ADAMTSL1: variants seen among roughly 807,000 people sequenced by gnomAD.
ADAMTSL1 encodes the protein ADAMTS like 1.
A neutral mutation model predicts 201.8 loss-of-function variants in ADAMTSL1; 126 were observed. The observed-to-expected ratio is 0.62, with a 90% CI of 0.54 to 0.72. The LOEUF (loss-of-function observed/expected upper bound fraction) is 0.72. ADAMTSL1 is among the 30% of genes least tolerant of loss of function. The probability of loss-of-function intolerance (pLI) is 0.00; values close to 1 mark genes in which losing one functional copy is unlikely to be tolerated. For synonymous variants in ADAMTSL1, 1,121 were observed against 903.4 expected, an observed-to-expected ratio of 1.24 and a Z score of -4.32; for missense variants, 2,679 against 2,277.8, an observed-to-expected ratio of 1.18 and a Z score of -3.59.
intron 2 of ADAMTSL1, among the ~76,000 whole-genome samples, chr9:18,244,752 A>G (rs1831193432): frequency 6.6e-6 from 1 of 152,018 alleles, no homozygotes; most frequent in African/African-American, 2.4e-5. Flanking sequence ...AAACTAGGTC[A>G]CCCAAGTGTC....
chr9:18,263,573 G>T (rs953305305), intron 2 of ADAMTSL1, among the ~76,000 whole-genome samples: 3 of 152,090 alleles, frequency 2.0e-5, no homozygotes, highest in Non-Finnish European at 4.4e-5. Context: ...CGCAAATTCC[G>T]AAGCCAAATT....
chr9:18,045,956 T>G (rs901477268), intron 1 of ADAMTSL1, among the ~76,000 whole-genome samples: 1 of 152,174 alleles, frequency 6.6e-6, no homozygotes, highest in Admixed American at 6.5e-5. Context: ...ACTGAGATAT[T>G]GAAGAAGCCG....
chr9:18,230,398 G>A (rs34110348), intron 2 of ADAMTSL1, among the ~76,000 whole-genome samples: 22,240 of 152,096 alleles, frequency 0.15, 1,917 homozygotes, highest in East Asian at 0.25. Context: ...AGAAGTAGGG[G>A]AAGTGTCCCC....
At chr9:18,451,810 G>A (rs1406270701) in intron 2 of ADAMTSL1, among the ~76,000 whole-genome samples, 2 of 152,246 alleles carry the variant, frequency 1.3e-5, no homozygotes, top group African/African-American at 4.8e-5. Flanking sequence ...AGGCTGGGAA[G>A]TCCAAGACTG....
At chr9:18,750,007 G>T (rs1373478362) in intron 15 of ADAMTSL1, among the ~76,000 whole-genome samples, 1 of 152,184 alleles carries the variant, frequency 6.6e-6, no homozygotes, top group Non-Finnish European at 1.5e-5. Context: ...ACTTTGATGA[G>T]CTTAACCTTG....
chr9:18,155,105 T>C (rs981442087), intron 1 of ADAMTSL1, among the ~76,000 whole-genome samples: 1 of 151,924 alleles, frequency 6.6e-6, no homozygotes, highest in African/African-American at 2.4e-5. Context: ...GGGAAATAAA[T>C]CTGTTTGGGT....
At chr9:18,596,430 A>C (rs1824265272) in intron 4 of ADAMTSL1, among the ~76,000 whole-genome samples, 1 of 151,140 alleles carries the variant, frequency 6.6e-6, no homozygotes, top group East Asian at 1.9e-4. Context: ...TCATCTGTAC[A>C]AACAGAGGTA....
intron 17 of ADAMTSL1, among the ~76,000 whole-genome samples, chr9:18,774,066 TTTTG>T (rs1020716402): frequency 2.6e-5 from 4 of 152,330 alleles, no homozygotes; most frequent in East Asian, 3.9e-4. Flanking sequence ...TAAGATCATT[TTTTG>T]TTTGTTTTTT....
intron 2 of ADAMTSL1, among the ~76,000 whole-genome samples, chr9:18,303,231 A>AT: frequency 6.6e-6 from 1 of 152,256 alleles, no homozygotes; most frequent in African/African-American, 2.4e-5. Context: ...GAGACCAAAG[A>AT]TACATAACTG....
intron 4 of ADAMTSL1, among the ~76,000 whole-genome samples, chr9:18,595,649 T>A (rs1824212644): frequency 6.6e-6 from 1 of 152,242 alleles, no homozygotes; most frequent in South Asian, 2.1e-4. Context: ...TGAGGAAGGC[T>A]GGAATAGTGC....
At chr9:17,936,002 G>T (rs1213842916) in intron 1 of ADAMTSL1, among the ~76,000 whole-genome samples, 2 of 152,132 alleles carry the variant, frequency 1.3e-5, no homozygotes, top group African/African-American at 4.8e-5. Context: ...CTATTCTCTA[G>T]CTTCACTGGT....
intron 16 of ADAMTSL1, among the ~76,000 whole-genome samples, chr9:18,755,997 C>T (rs1345360584): frequency 1.4e-5 from 2 of 146,458 alleles, no homozygotes; most frequent in Admixed American, 6.9e-5. Flanking sequence ...AGTGTTTCTA[C>T]CCTCCAGAGA....
chr9:17,948,580 A>G (rs1827604289), intron 1 of ADAMTSL1, among the ~76,000 whole-genome samples: 1 of 152,182 alleles, frequency 6.6e-6, no homozygotes, highest in South Asian at 2.1e-4. Flanking sequence ...TATCTAGGAA[A>G]CAGCGTCAGA....
chr9:18,191,822 C>T (rs1479675168), intron 2 of ADAMTSL1, among the ~76,000 whole-genome samples: 1 of 152,120 alleles, frequency 6.6e-6, no homozygotes, highest in Non-Finnish European at 1.5e-5. Flanking sequence ...TTTTGTTATG[C>T]CCATATTCTC....
intron 2 of ADAMTSL1, among the ~76,000 whole-genome samples, chr9:18,255,886 C>T (rs1831663768): frequency 1.3e-5 from 2 of 152,174 alleles, no homozygotes; most frequent in Admixed American, 1.3e-4. Flanking sequence ...TACATAACTG[C>T]GAAGCAGAGA....
chr9:18,192,018 C>G (rs540006689), intron 2 of ADAMTSL1, among the ~76,000 whole-genome samples: 1 of 152,062 alleles, frequency 6.6e-6, no homozygotes, highest in Non-Finnish European at 1.5e-5. Flanking sequence ...ATGATCGTTA[C>G]GGTGTTTGAC....
intron 15 of ADAMTSL1, among the ~76,000 whole-genome samples, chr9:18,725,202 G>A (rs567361208): frequency 1.9e-4 from 29 of 152,190 alleles, no homozygotes; most frequent in Middle Eastern, 3.4e-3. Flanking sequence ...CAACGTGCCC[G>A]GCCAGGATTG....
chr9:18,165,782 C>A (rs929380438), intron 2 of ADAMTSL1, among the ~76,000 whole-genome samples: 2 of 151,908 alleles, frequency 1.3e-5, no homozygotes, highest in Non-Finnish European at 2.9e-5. Context: ...TGTCTCCATA[C>A]GTGAGAGCTT....
chr9:18,476,771 A>G (rs1821476100), intron 1 of ADAMTSL1, among the ~76,000 whole-genome samples: 1 of 152,122 alleles, frequency 6.6e-6, no homozygotes, highest in African/African-American at 2.4e-5. Flanking sequence ...TTAATTGGAA[A>G]ACATCCTGTC....
Sources: gnomAD v4.1 joint callset for allele counts (sites outside exome capture counted in the v4.1 genomes callset) on GRCh38, gnomAD v4.1.1 for gene constraint, MANE v1.5 for transcripts, NCBI Gene and HGNC (gene_info 2026-07-23, HGNC 2026-07-21) for gene names.